The following CREB1 variants were observed in gnomAD, a reference collection of about 807,000 sequenced individuals.
CREB1 encodes cAMP responsive element binding protein 1, also known as cyclic AMP-responsive element-binding protein 1.
A neutral mutation model predicts 42.0 loss-of-function variants in CREB1; 2 were observed. That is an observed-to-expected ratio of 0.05 (90% confidence interval 0.02 to 0.15). The LOEUF (loss-of-function observed/expected upper bound fraction) is 0.15. CREB1 is among the 10% of genes least tolerant of loss of function. CREB1 has a pLI of 1.00. For missense variants in CREB1, 199 were observed against 388.9 expected, an observed-to-expected ratio of 0.51 and a Z score of 4.11; for synonymous variants, 123 against 139.9, an observed-to-expected ratio of 0.88 and a Z score of 0.85.
At chr2:207,538,490 G>A (rs776445002) in intron 1 of CREB1, among the ~76,000 whole-genome samples, 3 of 152,156 alleles carry the variant, frequency 2.0e-5, no homozygotes, top group African/African-American at 4.8e-5. Context: ...GGAGTTTACC[G>A]TGAGACTAGC....
chr2:207,533,786 T>G lies in CREB1; in HGVS notation c.-9+3652T>G, dbSNP rs758234054. Among the ~76,000 whole-genome samples, 23 of 152,172 alleles carry G rather than the reference T, an allele frequency of 1.5e-4. 1 individual carries two copies. The highest frequency in any genetic ancestry group is 2.8e-4 in the Non-Finnish European group (19 of 68,028). Reference sequence around the variant, plus strand: ...CAGCAGTTTATGGTAATTCAAATATTTATTTGGCACTCACTGTGACAGAGA... The same window carrying G: ...CAGCAGTTTATGGTAATTCAAATATGTATTTGGCACTCACTGTGACAGAGA... On this transcript the variant is annotated intron_variant, in intron 1 of 7. Transcript: ENST00000353267.
intron 1 of CREB1, among the ~76,000 whole-genome samples, chr2:207,533,680 A>G (rs190712064): frequency 6.6e-6 from 1 of 152,178 alleles, no homozygotes; most frequent in Non-Finnish European, 1.5e-5. Flanking sequence ...GAATGTAATG[A>G]GATGTCAAGA....
intron 1 of CREB1, among the ~76,000 whole-genome samples, chr2:207,549,847 G>A (rs1054045426): frequency 2.6e-5 from 4 of 152,064 alleles, no homozygotes; most frequent in Non-Finnish European, 5.9e-5. Flanking sequence ...GCACACACCT[G>A]TAGTCCCAGC....
chr2:207,603,380 CTTT>C lies in CREB1; in HGVS notation c.*6325_*6327del, dbSNP rs1423328427. On this transcript the variant is annotated 3_prime_UTR_variant, in exon 8 of 8. Transcript: ENST00000353267. The stretch of plus-strand genomic sequence containing the variant: ...TTGTGGTATCAACTGTCATAATGCT[CTTT>C]TTACACAAACATTTATGTGCAGTCA... The C allele has an allele frequency of 8.9e-6, 2 of 224,694 alleles. No individual in the cohort carries two copies. Among genetic ancestry groups the C allele is most frequent in the African/African-American group, 4.5e-5 (2 of 44,886 alleles). The allele number at this position is 224,694 out of a possible 1,614,324, so 13.9% of individuals were successfully genotyped here.
chr2:207,548,345 C>G (rs922569847), intron 1 of CREB1, among the ~76,000 whole-genome samples: 5 of 151,936 alleles, frequency 3.3e-5, no homozygotes, highest in African/African-American at 9.7e-5. Flanking sequence ...ATTCAAATAC[C>G]CTGGTAATTA....
chr2:207,540,037 A>G lies in CREB1; in HGVS notation c.-9+9903A>G, dbSNP rs184630813. Reference sequence around the variant, plus strand: ...TGAAATGTAGATTTCCTGACTCCCAATTCTTCTCCTTAGTGTAGACAGAGA... The same window carrying G: ...TGAAATGTAGATTTCCTGACTCCCAGTTCTTCTCCTTAGTGTAGACAGAGA... On this transcript the variant is annotated intron_variant, in intron 1 of 7. Coordinates refer to ENST00000353267, the MANE Select transcript of CREB1 (RefSeq NM_004379.5). 3.4e-4 allele frequency among the ~76,000 whole-genome samples: 52 copies of G among 152,310 alleles called. No individual in the cohort carries two copies. The East Asian group carries it at 9.1e-3, about 27-fold the overall frequency.
chr2:207,579,705 A>G (rs1029544235), intron 7 of CREB1, among the ~76,000 whole-genome samples: 1 of 152,190 alleles, frequency 6.6e-6, no homozygotes, highest in African/African-American at 2.4e-5. Context: ...TGATTCTGCC[A>G]TAGTTCCTTT....
chr2:207,549,856 G>C (rs1044697536), intron 1 of CREB1, among the ~76,000 whole-genome samples: 3 of 152,024 alleles, frequency 2.0e-5, no homozygotes, highest in Admixed American at 6.6e-5. Flanking sequence ...TGTAGTCCCA[G>C]CTACTCGGGA....
Position 207,560,332 on chromosome 2 carries a change from A to T in CREB1, c.221A>T (p.Gln74Leu). The T allele has an allele frequency of 6.2e-7, 1 of 1,614,082 alleles. No individual in the cohort carries two copies. Among genetic ancestry groups the T allele is most frequent in the Non-Finnish European group, 8.5e-7 (1 of 1,179,928 alleles). Residue 74 changes from glutamine (Q) to leucine (L), a missense_variant, in exon 3 of 8, where the codon CAG (glutamine) becomes CTG (leucine). By Grantham distance (113) the Gln-to-Leu change is moderately radical (BLOSUM62 -2). This residue lies in a region of CREB1 where 66 missense variants were observed against 150.8 expected (regional missense o/e 0.44). Coordinates refer to ENST00000353267, the MANE Select transcript of CREB1 (RefSeq NM_004379.5). ...GTCCATGGAGTCATTCAGGCGGCCC[A>T]GCCATCAGTTATTCAGTCTCCACAA... ...VQVHGVIQAA[Q>L]PSVIQSPQVQ...
Position 207,575,377 on chromosome 2 carries a change from G to C in CREB1, c.611G>C (p.Gly204Ala). ...ACCAATGCAGCAGCCACTCAGCCGG[G>C]TACTACCATTCTACAGTATGCACAG... is the stretch of plus-strand genomic sequence containing the variant. The part of the protein sequence containing the change: ...TMTNAAATQP[G>A]TTILQYAQTT... Residue 204 changes from glycine to alanine, a missense_variant, in exon 6 of 8, where the codon GGT becomes GCT. Physicochemically the swap from Gly to Ala is moderately conservative, Grantham distance 60 (BLOSUM62 0). Around this residue, in one of 4 missense-constraint regions of CREB1, gnomAD observed 66 missense variants for 88.1 expected, o/e 0.75. Coordinates refer to ENST00000353267, the MANE Select transcript of CREB1 (RefSeq NM_004379.5). 6.2e-7 allele frequency: 1 copy of C among 1,614,108 alleles called. No individual in the cohort carries two copies. The highest frequency in any genetic ancestry group is 8.5e-7 in the Non-Finnish European group (1 of 1,180,008).
chr2:207,542,195 CTG>C (rs1559266234), intron 1 of CREB1, among the ~76,000 whole-genome samples: 1 of 152,170 alleles, frequency 6.6e-6, no homozygotes, highest in Non-Finnish European at 1.5e-5. Flanking sequence ...TTTATGGTAA[CTG>C]TGTTTAACCA....
At chr2:207,539,273 C>T (rs925828983) in intron 1 of CREB1, among the ~76,000 whole-genome samples, 1 of 148,456 alleles carries the variant, frequency 6.7e-6, no homozygotes, top group Non-Finnish European at 1.5e-5. Context: ...AAGCTGGTCT[C>T]GAACTCCTGA....
At chr2:207,556,905 G>A (rs1301283718) in intron 2 of CREB1, among the ~76,000 whole-genome samples, 1 of 152,200 alleles carries the variant, frequency 6.6e-6, no homozygotes, top group Non-Finnish European at 1.5e-5. Context: ...AGGAGGCTGA[G>A]GCGAGCGAAT....
At chr2:207,594,334 A>G (rs1375532700) in intron 7 of CREB1, among the ~76,000 whole-genome samples, 1 of 152,154 alleles carries the variant, frequency 6.6e-6, no homozygotes, top group Non-Finnish European at 1.5e-5. Context: ...GAACTTGTTC[A>G]TCTTGCAAAA....
At position 207,568,077 on chromosome 2, in the gene CREB1, C is replaced by T. The variant is rs748349229; in HGVS notation, c.362+514C>T. On this transcript the variant is annotated intron_variant, in intron 4 of 7. Transcript: ENST00000353267. Reference sequence around the variant, plus strand: ...GCCTTGCCTCCAAGGTGAACCAAAACCATTTTTTAATGTAAAAATTAGCTC... The same window carrying T: ...GCCTTGCCTCCAAGGTGAACCAAAATCATTTTTTAATGTAAAAATTAGCTC... The T allele has an allele frequency of 2.6e-5, 4 of 152,162 alleles. No homozygotes were observed. In the South Asian group the frequency reaches 8.3e-4, roughly 32 times the overall value. The allele number at this position is 152,162 out of a possible 1,614,324, so 9.4% of individuals were successfully genotyped here. A position where few individuals can be genotyped will look rare whatever the true frequency, so the allele number is the denominator to read the frequency against.
chr2:207,554,278 A>G (rs921411528), intron 1 of CREB1, among the ~76,000 whole-genome samples: 2 of 152,144 alleles, frequency 1.3e-5, no homozygotes, highest in Non-Finnish European at 2.9e-5. Flanking sequence ...CTTTCTTTTT[A>G]TAGAACCTTA....
Position 207,543,680 on chromosome 2 carries a change from G to T in CREB1, c.-8-11948G>T, listed in dbSNP as rs532341697. ...TGCAGTGGTGCTATCTTGGCTCACT[G>T]CAGCCTCTGCCTCCTGGGTTCAAGT... On this transcript the variant is annotated intron_variant, in intron 1 of 7. Transcript: ENST00000353267. 1.8e-4 allele frequency among the ~76,000 whole-genome samples: 27 copies of T among 152,224 alleles called. No individual in the cohort carries two copies. In the East Asian group the frequency reaches 4.2e-3, roughly 24 times the overall value.
chr2:207,545,161 A>G (rs1201481075), intron 1 of CREB1, among the ~76,000 whole-genome samples: 7 of 152,120 alleles, frequency 4.6e-5, no homozygotes. Flanking sequence ...CAATGGTTGA[A>G]CTAACACCAC....
intron 1 of CREB1, among the ~76,000 whole-genome samples, chr2:207,532,745 T>C (rs2080700342): frequency 6.6e-6 from 1 of 152,224 alleles, no homozygotes; most frequent in African/African-American, 2.4e-5. Context: ...TTTTTTATTT[T>C]TATTTTTATT....
Sources: gnomAD v4.1 joint callset for allele counts (sites outside exome capture counted in the v4.1 genomes callset) on GRCh38, gnomAD v4.1.1 for gene constraint, gnomAD v4.1.1 regional missense constraint, MANE v1.5 for transcripts, NCBI Gene and HGNC (gene_info 2026-07-23, HGNC 2026-07-21) for gene names.